The following CEP290 variants were observed in gnomAD, a reference collection of about 807,000 sequenced individuals.
CEP290 encodes the protein centrosomal protein 290.
Under a neutral mutation model 344.9 loss-of-function variants are expected in CEP290, and 317 were observed. The observed-to-expected ratio is 0.92, with a 90% CI of 0.84 to 1.01. The LOEUF (loss-of-function observed/expected upper bound fraction) is 1.01. Ranked by LOEUF, CEP290 falls within the 50% of genes least tolerant of loss-of-function variation. The probability of loss-of-function intolerance (pLI) is 0.00; values close to 1 mark genes in which losing one functional copy is unlikely to be tolerated. For missense variants in CEP290, 2,754 were observed against 2,761.4 expected (o/e 1.00, Z 0.06); for synonymous variants, 932 against 895.8 (o/e 1.04, Z -0.72).
intron 45 of CEP290, among the ~76,000 whole-genome samples, chr12:88,063,142 CAAAA>C (rs11314427): frequency 7.7e-6 from 1 of 129,780 alleles, no homozygotes. Context: ...GAAGCAGTAC[CAAAA>C]AAAAAAAAAA....
intron 18 of CEP290, chr12:88,116,057 A>T (rs2039018065): frequency 1.0e-6 from 1 of 985,286 alleles, no homozygotes; most frequent in East Asian, 1.1e-4. Flanking sequence ...AAAATATTGC[A>T]GATTTTTGCC....
Position 88,129,728 on chromosome 12 carries a change from T to G in CEP290, c.818A>C (p.Gln273Pro). Residue 273 changes from glutamine (Q) to proline (P), a missense_variant, in exon 10 of 54, where the codon CAG (glutamine) becomes CCG (proline). Physicochemically the swap from Gln to Pro is moderately conservative, Grantham distance 76. Transcript: ENST00000552810. ...ATAATGATCGTTTTCTTTTTTTAAC[T>G]GATCTATTACATTATCTGTCTGATG... ...IVHQTDNVID[Q>P]LKKENDHYQL... The G allele has an allele frequency of 6.8e-7, 1 of 1,462,730 alleles. No individual in the cohort carries two copies. The highest frequency in any genetic ancestry group is 9.2e-7 in the Non-Finnish European group (1 of 1,090,002). The allele number at this position is 1,462,730 out of a possible 1,614,324, so 90.6% of individuals were successfully genotyped here.
chr12:88,066,574 T>C (rs1419858837), intron 44 of CEP290, among the ~76,000 whole-genome samples: 1 of 151,800 alleles, frequency 6.6e-6, no homozygotes, highest in African/African-American at 2.4e-5. Flanking sequence ...AGTGCTGGGA[T>C]TGCAGGCATG....
In CEP290 at chr12:88,095,274, G is replaced by C. The variant is rs78143661; in HGVS notation, c.3104-1299C>G. Among the ~76,000 whole-genome samples the C allele has an allele frequency of 2.2e-3, 338 of 152,222 alleles. 2 individuals carry two copies. The highest frequency in any genetic ancestry group is 7.7e-3 in the African/African-American group (322 of 41,554). On this transcript the variant is annotated intron_variant, in intron 27 of 53. Transcript: ENST00000552810. Reference sequence around the variant, plus strand: ...TTTTTGGGTTTGGAGTTTTCTTAAAGAGAGGGTAGAGCACAACAGCCCAAC... The same window carrying C: ...TTTTTGGGTTTGGAGTTTTCTTAAACAGAGGGTAGAGCACAACAGCCCAAC...
chr12:88,067,499 T>C (rs760149875), intron 44 of CEP290, among the ~76,000 whole-genome samples: 22 of 152,166 alleles, frequency 1.4e-4, no homozygotes, highest in Non-Finnish European at 2.2e-4. Context: ...CTCAGCTCAC[T>C]AAGCCACGGC....
At chr12:88,077,148 C>CTGT in intron 41 of CEP290, 74 bp downstream of exon 41, 1 of 1,392,376 alleles carries the variant, frequency 7.2e-7, no homozygotes. Flanking sequence ...AGTATATTAA[C>CTGT]TGTTAATCAG....
At chr12:88,091,672 T>C (rs1207480608) in intron 29 of CEP290, among the ~76,000 whole-genome samples, 1 of 152,016 alleles carries the variant, frequency 6.6e-6, no homozygotes, top group Non-Finnish European at 1.5e-5. Flanking sequence ...AGGATCAATT[T>C]TTTTAAAAAA....
At chr12:88,051,283 C>A (rs1232475327) in intron 52 of CEP290, among the ~76,000 whole-genome samples, 1 of 148,868 alleles carries the variant, frequency 6.7e-6, no homozygotes, top group Non-Finnish European at 1.5e-5. Context: ...GCAACAACCA[C>A]TGCCTCCCAG....
chr12:88,049,211 TTC>T lies in CEP290; in HGVS notation c.7411_7412del (p.Glu2471LysfsTer4), dbSNP rs1368325179. The T allele has an allele frequency of 3.1e-6, 5 of 1,598,904 alleles. No individual in the cohort carries two copies. In the African/African-American group the frequency reaches 6.7e-5, roughly 22 times the overall value. On this transcript the variant is annotated frameshift_variant, in exon 54 of 54. Transcript: ENST00000552810. LOFTEE classifies it high-confidence loss of function. Reference protein sequence around the residue: ...AASEEFEDEEESPVNFPIY With the variant: ...AASEEFEDEEXSPVNFPIY The stretch of plus-strand genomic sequence containing the variant: ...AGTAAATGGGGAAATTAACAGGACT[TTC>T]TTCTTCATCTTCAAACTCTTCAGAA...
chr12:88,062,909 TAAC>T (rs968429140), intron 45 of CEP290, 131 bp from the exon 46 acceptor site: 1 of 591,760 alleles, frequency 1.7e-6, no homozygotes, highest in Non-Finnish European at 3.0e-6. Flanking sequence ...GTCTCTATAT[TAAC>T]AAGGAAGATT....
Position 88,114,463 on chromosome 12 carries a change from C to A in CEP290, c.2009G>T (p.Gly670Val), listed in dbSNP as rs2038917373. The A allele has an allele frequency of 1.3e-6, 2 of 1,547,198 alleles. No individual in the cohort carries two copies. Among genetic ancestry groups the A allele is most frequent in the East Asian group, 4.9e-5 (2 of 40,654 alleles). The change falls in exon 20 of 54, where the codon GGA (glycine) becomes GTA (valine). Residue 670 changes from glycine (G) to valine (V), a missense_variant. Transcript: ENST00000552810. ...GCTAGGGATAATTAGAGATGTTTCT[C>A]CTCCTTTAACATCAGGATCTTTCTG... ...EMQKDPDVKG[G>V]ETSLIIPSLE...
At chr12:88,097,128 T>C (rs1047213068) in intron 26 of CEP290, 129 bp from the exon 27 acceptor site, 10 of 601,044 alleles carry the variant, frequency 1.7e-5, no homozygotes, top group Admixed American at 3.3e-5. Context: ...AAATTAGAAT[T>C]TCCTCCATAT....
intron 37 of CEP290, among the ~76,000 whole-genome samples, chr12:88,080,683 C>T (rs1329529276): frequency 1.3e-5 from 2 of 152,162 alleles, no homozygotes; most frequent in Admixed American, 6.5e-5. Flanking sequence ...CCCGCTTTGG[C>T]ATCCCAAATT....
chr12:88,111,693 C>T lies in CEP290; in HGVS notation c.2217+1G>A. The T allele has an allele frequency of 6.4e-7, 1 of 1,571,252 alleles. No individual in the cohort carries two copies. The highest frequency in any genetic ancestry group is 8.6e-7 in the Non-Finnish European group (1 of 1,164,426). ...TTTCTTTTATTTAATAAAATTCTCA[C>T]CTTTAAATTAGCTTTTGCCAACTGC... On this transcript the variant is annotated splice_donor_variant, in intron 21 of 53. Transcript: ENST00000552810. LOFTEE classifies it high-confidence loss of function.
Position 88,118,517 on chromosome 12 carries a change from C to CA in CEP290, c.1676dup (p.Met559IlefsTer17). ...CACTTCTTTTTCCTCTTTCTTGAGCCATTTGACGAATTTTTTTTTTCAGAT... is the reference window on the plus strand; with the variant it reads ...CACTTCTTTTTCCTCTTTCTTGAGCCAATTTGACGAATTTTTTTTTTCAGAT... On this transcript the variant is annotated frameshift_variant, in exon 17 of 54. Coordinates refer to ENST00000552810, the MANE Select transcript of CEP290 (RefSeq NM_025114.4). LOFTEE classifies it high-confidence loss of function. The CA allele has an allele frequency of 6.4e-7, 1 of 1,569,568 alleles. No individual in the cohort carries two copies. The highest frequency in any genetic ancestry group is 8.7e-7 in the Non-Finnish European group (1 of 1,155,424).
rs1030235554 is a variant in CEP290, at chr12:88,135,977, G to C, written c.441+666C>G. 5 of 151,952 alleles carry C rather than the reference G, an allele frequency of 3.3e-5. No homozygotes were observed. In the South Asian group the frequency reaches 1.0e-3, roughly 31 times the overall value. The allele number at this position is 151,952 out of a possible 1,614,324, so 9.4% of individuals were successfully genotyped here. A position where few individuals can be genotyped will look rare whatever the true frequency, so the allele number is the denominator to read the frequency against. ...GGTAAAATAGGAAATTTTCTTCCAGGAAATACAAGTTGATCTGCAAAAAAC... is the reference window on the plus strand; with the variant it reads ...GGTAAAATAGGAAATTTTCTTCCAGCAAATACAAGTTGATCTGCAAAAAAC... On this transcript the variant is annotated intron_variant, in intron 6 of 53. Coordinates refer to ENST00000552810, the MANE Select transcript of CEP290 (RefSeq NM_025114.4).
Position 88,060,787 on chromosome 12 carries a change from C to T in CEP290, c.6522+43G>A, listed in dbSNP as rs369896065. The stretch of plus-strand genomic sequence containing the variant: ...GAAATTTTCCTAAATAGTAACAAAA[C>T]GTAAAATATTCCCCTAAAAATGATC... On this transcript the variant is annotated intron_variant, in intron 47 of 53. Transcript: ENST00000552810. 3.7e-5 allele frequency: 52 copies of T among 1,418,980 alleles called. No homozygotes were observed. In the Admixed American group the frequency reaches 5.8e-4, roughly 16 times the overall value. The allele number at this position is 1,418,980 out of a possible 1,614,324, so 87.9% of individuals were successfully genotyped here.
intron 10 of CEP290, 87 bp from the exon 11 acceptor site, chr12:88,129,122 A>G: frequency 2.0e-5 from 12 of 608,662 alleles, no homozygotes; most frequent in Non-Finnish European, 2.6e-5. Context: ...CATTATATAT[A>G]TAAATATATC....
rs1266623305 is a variant in CEP290, at chr12:88,089,078, A to G, written c.3983T>C (p.Leu1328Pro). 6.5e-7 allele frequency: 1 copy of G among 1,537,010 alleles called. No homozygotes were observed. Among genetic ancestry groups the G allele is most frequent in the Non-Finnish European group, 8.7e-7 (1 of 1,146,916 alleles). ...TLEMELKLKG[L>P]EELISTLKDT... ...CTTTAAAGTGCTTATTAACTCTTCC[A>G]GGCCCTTTAATTTTAATTCCATCTC... Residue 1328 changes from leucine to proline, a missense_variant, in exon 31 of 54, where the codon CTG becomes CCG. Leu to Pro is a moderately conservative substitution (Grantham distance 98). Coordinates refer to ENST00000552810, the MANE Select transcript of CEP290 (RefSeq NM_025114.4).
Sources: gnomAD v4.1 joint callset for allele counts (sites outside exome capture counted in the v4.1 genomes callset) on GRCh38, gnomAD v4.1.1 for gene constraint, MANE v1.5 for transcripts, NCBI Gene and HGNC (gene_info 2026-07-23, HGNC 2026-07-21) for gene names.